Variants in RARB observed in about 807,000 individuals in gnomAD.
RARB encodes HBV-activated protein.
Under a neutral mutation model 51.9 loss-of-function variants are expected in RARB, and 17 were observed. That is an observed-to-expected ratio of 0.33 (90% CI 0.22 to 0.49). The LOEUF (loss-of-function observed/expected upper bound fraction) is 0.49. Among genes scored for constraint, RARB ranks in the 20% least tolerant of loss-of-function variants. RARB has a pLI of 0.99. For missense variants in RARB, 369 were observed against 550.8 expected (o/e 0.67, Z 3.30); for synonymous variants, 215 against 195.4 (o/e 1.10, Z -0.84).
intron 5 of RARB, among the ~76,000 whole-genome samples, chr3:25,255,999 C>T (rs1702855712): frequency 2.0e-5 from 3 of 151,856 alleles, no homozygotes; most frequent in South Asian, 2.1e-4. Flanking sequence ...TATTTGTAAC[C>T]ATCTCTTAAT....
intron 5 of RARB, among the ~76,000 whole-genome samples, chr3:25,199,455 A>AT (rs1262647496): frequency 1.3e-5 from 2 of 151,962 alleles, no homozygotes; most frequent in Non-Finnish European, 2.9e-5. Context: ...TATAATTGGA[A>AT]TTTTTTTATT....
rs1270158777 is a variant in RARB at position 25,595,684 on chromosome 3, A to G, written c.1151-736A>G. 2.0e-5 allele frequency among the ~76,000 whole-genome samples: 3 copies of G among 152,358 alleles called. No individual in the cohort carries two copies. The East Asian group carries it at 5.8e-4, about 29-fold the overall frequency. On this transcript the variant is annotated intron_variant, in intron 7 of 7. Coordinates refer to ENST00000330688, the MANE Select transcript of RARB (RefSeq NM_000965.5). ...CACCAGACACAAGAGGTTCTCGAGC[A>G]CTTGAAGTGTGGCTTATGCAACTGA...
intron 4 of RARB, among the ~76,000 whole-genome samples, chr3:25,579,926 G>A (rs968579308): frequency 4.6e-5 from 7 of 152,148 alleles, no homozygotes; most frequent in African/African-American, 7.2e-5. Flanking sequence ...AGTACTGATG[G>A]TCAATGCTTA....
chr3:25,317,009 A>G (rs1275653220), intron 5 of RARB, among the ~76,000 whole-genome samples: 1 of 149,524 alleles, frequency 6.7e-6, no homozygotes, highest in Non-Finnish European at 1.5e-5. Context: ...GTTTATGTAT[A>G]AATTTACAAT....
intron 2 of RARB, among the ~76,000 whole-genome samples, chr3:25,013,601 CAG>C (rs1221066042): frequency 6.6e-6 from 1 of 152,004 alleles, no homozygotes; most frequent in Non-Finnish European, 1.5e-5. Flanking sequence ...TTGACAATAT[CAG>C]AGTCAGTCAT....
intron 2 of RARB, among the ~76,000 whole-genome samples, chr3:24,957,504 A>C (rs535398037): frequency 6.6e-6 from 1 of 152,358 alleles, no homozygotes; most frequent in East Asian, 1.9e-4. Flanking sequence ...GACCAAAGAA[A>C]AAGATCCAGT....
chr3:25,125,065 C>G (rs1275075915), intron 3 of RARB, among the ~76,000 whole-genome samples: 1 of 152,068 alleles, frequency 6.6e-6, no homozygotes, highest in Non-Finnish European at 1.5e-5. Context: ...AAATGAAATA[C>G]AACAGTTAGA....
intron 2 of RARB, among the ~76,000 whole-genome samples, chr3:25,056,846 C>T (rs547067617): frequency 6.6e-6 from 1 of 152,162 alleles, no homozygotes; most frequent in Admixed American, 6.5e-5. Flanking sequence ...TCTTCCTTTG[C>T]CCCTCCTTAG....
intron 2 of RARB, among the ~76,000 whole-genome samples, chr3:24,990,248 C>G (rs1338821167): frequency 1.1e-5 from 1 of 92,492 alleles, no homozygotes; most frequent in Non-Finnish European, 2.1e-5. Context: ...CATATGTATA[C>G]ATGTGCCATG....
At chr3:25,245,113 G>C (rs868492024) in intron 5 of RARB, among the ~76,000 whole-genome samples, 1 of 152,092 alleles carries the variant, frequency 6.6e-6, no homozygotes. Context: ...TTTTAAGAGA[G>C]ACTAAGATTG....
upstream of RARB, among the ~76,000 whole-genome samples, chr3:25,426,287 T>C (rs1273456397): frequency 6.6e-6 from 1 of 152,192 alleles, no homozygotes; most frequent in Non-Finnish European, 1.5e-5. Flanking sequence ...ATGATGGCCA[T>C]ATAAAAGAGA....
intron 2 of RARB, among the ~76,000 whole-genome samples, chr3:25,486,882 A>G (rs1285295387): frequency 6.6e-6 from 1 of 152,194 alleles, no homozygotes; most frequent in African/African-American, 2.4e-5. Flanking sequence ...GTCACAGATT[A>G]TTAATTTTAT....
chr3:25,496,473 G>A (rs1697040142), intron 2 of RARB, among the ~76,000 whole-genome samples: 1 of 152,146 alleles, frequency 6.6e-6, no homozygotes, highest in Non-Finnish European at 1.5e-5. Flanking sequence ...TCCCCTGTCA[G>A]GGAGGCATGA....
chr3:25,176,543 G>A (rs1247136293), intron 5 of RARB, among the ~76,000 whole-genome samples: 1 of 150,808 alleles, frequency 6.6e-6, no homozygotes, highest in Non-Finnish European at 1.5e-5. Context: ...CTACAGGCAC[G>A]CACCACCACA....
chr3:25,255,239 G>T (rs1447906843), intron 5 of RARB, among the ~76,000 whole-genome samples: 1 of 152,162 alleles, frequency 6.6e-6, no homozygotes, highest in East Asian at 1.9e-4. Flanking sequence ...CTGGAGATCA[G>T]ATCCTGGATA....
chr3:24,881,369 A>G (rs2125356884), intron 2 of RARB, among the ~76,000 whole-genome samples: 1 of 152,334 alleles, frequency 6.6e-6, no homozygotes. Context: ...CTGCTGAACT[A>G]AGCAATTAGC....
At chr3:25,492,913 A>G (rs996600743) in intron 2 of RARB, among the ~76,000 whole-genome samples, 1 of 152,070 alleles carries the variant, frequency 6.6e-6, no homozygotes, top group East Asian at 1.9e-4. Flanking sequence ...AACAGATCTT[A>G]TAGAAGCCAT....
intron 4 of RARB, among the ~76,000 whole-genome samples, chr3:25,133,783 G>T (rs904537262): frequency 6.6e-6 from 1 of 151,756 alleles, no homozygotes; most frequent in South Asian, 2.1e-4. Flanking sequence ...CAAGACAAAA[G>T]GTTGATCGAC....
intron 3 of RARB, among the ~76,000 whole-genome samples, chr3:25,109,847 C>T (rs2125324819): frequency 6.6e-6 from 1 of 152,330 alleles, no homozygotes; most frequent in Middle Eastern, 3.4e-3. Context: ...CTCAGAGCTA[C>T]CAGCACCTAC....
Sources: allele counts gnomAD v4.1 joint callset (sites outside exome capture counted in the v4.1 genomes callset), GRCh38; gene constraint gnomAD v4.1.1; transcripts MANE v1.5; gene names NCBI Gene and HGNC (gene_info 2026-07-23, HGNC 2026-07-21).